Variants in AXDND1 observed in about 807,000 individuals in gnomAD.
AXDND1 encodes the protein axonemal dynein light chain domain-containing protein 1.
AXDND1 carries 110 observed loss-of-function variants against 137.5 expected under a neutral mutation model. That is an observed-to-expected ratio of 0.80 (90% CI 0.69 to 0.94). The LOEUF is 0.94. AXDND1 is among the 40% of genes least tolerant of loss of function. AXDND1 has a pLI of 0.00. For synonymous variants in AXDND1, 414 were observed against 399.7 expected, an observed-to-expected ratio of 1.04 and a Z score of -0.43; for missense variants, 1,191 against 1,169.8, an observed-to-expected ratio of 1.02 and a Z score of -0.26.
intron 8 of AXDND1, among the ~76,000 whole-genome samples, chr1:179,384,767 A>ATT (rs549019209): frequency 5.7e-5 from 8 of 141,270 alleles, no homozygotes; most frequent in Admixed American, 7.1e-5. Context: ...AGAGGCACCA[A>ATT]TTTTTTTTTT....
chr1:179,385,385 A>G, intron 9 of AXDND1, 26 bp downstream of exon 9: 6 of 1,612,970 alleles, frequency 3.7e-6, no homozygotes, highest in Non-Finnish European at 5.1e-6. Flanking sequence ...GGAATGGTCC[A>G]GTTTCCTTTT....
chr1:179,479,201 G>T (rs1326101905), intron 17 of AXDND1, among the ~76,000 whole-genome samples: 1 of 152,150 alleles, frequency 6.6e-6, no homozygotes, highest in Non-Finnish European at 1.5e-5. Context: ...CACTGGCCGG[G>T]TGCAGTGGCT....
At chr1:179,502,223 A>G (rs760442585) in intron 20 of AXDND1, among the ~76,000 whole-genome samples, 6 of 152,216 alleles carry the variant, frequency 3.9e-5, no homozygotes, top group Non-Finnish European at 7.3e-5. Flanking sequence ...ATAAGTGATC[A>G]GGGAAATACA....
In AXDND1 at chr1:179,430,809, G is replaced by A. The variant is rs139718601; in HGVS notation, c.1487+203G>A. 1.2e-4 allele frequency among the ~76,000 whole-genome samples: 19 copies of A among 152,222 alleles called. No individual in the cohort carries two copies. In the East Asian group the frequency reaches 3.7e-3, roughly 29 times the overall value. On this transcript the variant is annotated intron_variant, in intron 14 of 25. Transcript: ENST00000367618. ...GCTAAGTATCTCTCTAGTCCATCCC[G>A]ATCCCCCTGCTCAACTGCTGCTGTC...
intron 11 of AXDND1, among the ~76,000 whole-genome samples, chr1:179,405,246 A>G (rs79528865): frequency 6.6e-6 from 1 of 152,238 alleles, no homozygotes; most frequent in Non-Finnish European, 1.5e-5. Flanking sequence ...TGCAAAGGAC[A>G]TGAACTCATC....
chr1:179,385,334 A>C lies in AXDND1; in HGVS notation c.838A>C (p.Arg280=). The C allele has an allele frequency of 1.2e-6, 2 of 1,614,086 alleles. No individual in the cohort carries two copies. Among genetic ancestry groups the C allele is most frequent in the Non-Finnish European group, 1.7e-6 (2 of 1,179,978 alleles). Reference sequence around the variant, plus strand: ...ACAAGTCAGTGTGGACTGTGCAGACAGAGGAGAACTTCTGTCTAAAGTCAG... The same window carrying C: ...ACAAGTCAGTGTGGACTGTGCAGACCGAGGAGAACTTCTGTCTAAAGTCAG... ...IRQVSVDCAD[R]GELLSKVRER... is the part of the protein sequence containing the mutation. The change falls in exon 9 of 26, where the codon AGA becomes CGA. Residue 280 remains arginine, a synonymous_variant. Transcript: ENST00000367618.
intron 11 of AXDND1, among the ~76,000 whole-genome samples, chr1:179,403,283 A>G (rs914230985): frequency 1.3e-5 from 2 of 152,234 alleles, no homozygotes; most frequent in African/African-American, 4.8e-5. Flanking sequence ...TCATCTGTTT[A>G]CAAGACGAAT....
intron 16 of AXDND1, among the ~76,000 whole-genome samples, chr1:179,467,160 T>C (rs1266595081): frequency 1.3e-5 from 2 of 152,184 alleles, no homozygotes; most frequent in Non-Finnish European, 2.9e-5. Context: ...AAAACATTTT[T>C]GCTCAGTGCA....
intron 17 of AXDND1, among the ~76,000 whole-genome samples, chr1:179,472,823 T>C (rs189756236): frequency 6.6e-6 from 1 of 152,318 alleles, no homozygotes; most frequent in East Asian, 1.9e-4. Flanking sequence ...ACCAGCTTTA[T>C]TGTGGTTACT....
chr1:179,496,642 C>A (rs1667473942), intron 20 of AXDND1, among the ~76,000 whole-genome samples: 1 of 151,934 alleles, frequency 6.6e-6, no homozygotes, highest in Non-Finnish European at 1.5e-5. Flanking sequence ...TCTCAAAGAA[C>A]CAGATTTTGC....
chr1:179,510,091 C>A (rs61827666), intron 21 of AXDND1, among the ~76,000 whole-genome samples: 3,069 of 152,230 alleles, frequency 0.02, 51 homozygotes, highest in Middle Eastern at 0.034. Context: ...GGTTTTTCTC[C>A]TACTTCTTTA....
intron 15 of AXDND1, among the ~76,000 whole-genome samples, chr1:179,442,703 G>A (rs1325458339): frequency 6.6e-6 from 1 of 151,976 alleles, no homozygotes; most frequent in Admixed American, 6.6e-5. Flanking sequence ...CCTTACATCC[G>A]CTGCCGGCAG....
At chr1:179,404,414 GT>G in intron 11 of AXDND1, among the ~76,000 whole-genome samples, 1 of 130,852 alleles carries the variant, frequency 7.6e-6, no homozygotes, top group South Asian at 2.6e-4. Flanking sequence ...TAGAGATGAG[GT>G]TTCACTGTGT....
rs552618924 is a variant in AXDND1 at position 179,554,418 on chromosome 1, A to G, written c.3032-94A>G. 593 of 1,607,388 alleles carry G rather than the reference A, an allele frequency of 3.7e-4. 12 individuals are homozygous for G. In the South Asian group the frequency reaches 6.1e-3, roughly 17 times the overall value. ...TAATTTTTCAAATGAAAAATTTAAA[A>G]TGAAACCAGAATATTTTCCTTTATC... On this transcript the variant is annotated intron_variant, in intron 25 of 25. Coordinates refer to ENST00000367618, the MANE Select transcript of AXDND1 (RefSeq NM_144696.6).
chr1:179,532,602 G>A (rs4652407), intron 23 of AXDND1, among the ~76,000 whole-genome samples: 48,363 of 152,078 alleles, frequency 0.32, 8,348 homozygotes, highest in Middle Eastern at 0.43. Flanking sequence ...GGAAGAAGTT[G>A]GCCAAGTGTG....
At chr1:179,493,099 T>A in intron 20 of AXDND1, 148 bp downstream of exon 20, 1 of 528,138 alleles carries the variant, frequency 1.9e-6, no homozygotes. Context: ...TAAAAACAAT[T>A]AATAAAAATG....
intron 25 of AXDND1, among the ~76,000 whole-genome samples, chr1:179,554,072 C>T (rs1029473572): frequency 6.6e-6 from 1 of 152,046 alleles, no homozygotes; most frequent in Non-Finnish European, 1.5e-5. Flanking sequence ...GCTACCACGC[C>T]CAGCTAATTT....
intron 10 of AXDND1, 125 bp downstream of exon 10, chr1:179,394,168 T>A: frequency 9.9e-7 from 1 of 1,010,204 alleles, no homozygotes; most frequent in Non-Finnish European, 1.4e-6. Context: ...TTTTCATGTT[T>A]AGCAAGAGAA....
At chr1:179,457,086 C>T in intron 16 of AXDND1, 2 of 1,335,284 alleles carry the variant, frequency 1.5e-6, no homozygotes, top group South Asian at 2.3e-5. Flanking sequence ...TTTGGTTCCA[C>T]AACTCTTCCA....
Sources: gnomAD v4.1 joint callset for allele counts (sites outside exome capture counted in the v4.1 genomes callset) on GRCh38, gnomAD v4.1.1 for gene constraint, MANE v1.5 for transcripts, NCBI Gene and HGNC (gene_info 2026-07-23, HGNC 2026-07-21) for gene names.